PRKG1: variants seen among roughly 807,000 people sequenced by gnomAD.
PRKG1 encodes protein kinase cGMP-dependent 1, also known as cGMP-dependent protein kinase 1.
In PRKG1, 35 loss-of-function variants were observed where a neutral mutation model predicts 88.1. That is an observed-to-expected ratio of 0.40 (90% CI 0.30 to 0.53). PRKG1 has a LOEUF of 0.53. Among genes scored for constraint, PRKG1 ranks in the 20% least tolerant of loss-of-function variants. The pLI is 0.59. For synonymous variants in PRKG1, 303 were observed against 292.5 expected (o/e 1.04, Z -0.37); for missense variants, 540 against 839.8 (o/e 0.64, Z 4.41).
chr10:51,351,510 G>C (rs954586990), intron 2 of PRKG1, among the ~76,000 whole-genome samples: 1 of 146,538 alleles, frequency 6.8e-6, no homozygotes, highest in Non-Finnish European at 1.5e-5. Context: ...CATCAGTGAT[G>C]ATGAGTTTTT....
intron 2 of PRKG1, among the ~76,000 whole-genome samples, chr10:51,342,611 A>G (rs1588861541): frequency 6.6e-6 from 1 of 152,132 alleles, no homozygotes; most frequent in Admixed American, 6.6e-5. Flanking sequence ...TTTAACTTCT[A>G]CTAGATCATA....
intron 3 of PRKG1, among the ~76,000 whole-genome samples, chr10:51,753,006 A>G (rs10999270): frequency 0.48 from 72,291 of 151,844 alleles, 17,816 homozygotes; most frequent in Middle Eastern, 0.61. Flanking sequence ...CTCATAAACT[A>G]GCTAAATTAG....
intron 3 of PRKG1, among the ~76,000 whole-genome samples, chr10:51,490,036 A>G (rs973690261): frequency 2.0e-5 from 3 of 152,068 alleles, no homozygotes; most frequent in Non-Finnish European, 4.4e-5. Context: ...TTCCTCCCAT[A>G]CAAGTGATCA....
intron 5 of PRKG1, among the ~76,000 whole-genome samples, chr10:52,023,091 G>A (rs1054887877): frequency 2.6e-5 from 4 of 152,032 alleles, no homozygotes; most frequent in Non-Finnish European, 5.9e-5. Flanking sequence ...GACAGGTCCT[G>A]GTGTGTGATG....
intron 1 of PRKG1, among the ~76,000 whole-genome samples, chr10:51,002,511 C>T (rs368982072): frequency 1.3e-5 from 2 of 152,080 alleles, no homozygotes; most frequent in Non-Finnish European, 1.5e-5. Flanking sequence ...ATATAAACTG[C>T]CTCTCAAAAA....
At chr10:51,814,831 T>A (rs1018205975) in intron 4 of PRKG1, among the ~76,000 whole-genome samples, 71 of 152,300 alleles carry the variant, frequency 4.7e-4, no homozygotes, top group African/African-American at 1.7e-3. Flanking sequence ...GGCTAATTTT[T>A]AAAAAATTAT....
At chr10:51,320,075 G>A (rs1314884594) in intron 2 of PRKG1, 4 of 174,754 alleles carry the variant, frequency 2.3e-5, no homozygotes, top group South Asian at 1.5e-4. Context: ...CACACAGATC[G>A]GCAGCCTTCA....
chr10:52,087,399 T>G (rs936887003), intron 7 of PRKG1, among the ~76,000 whole-genome samples: 2 of 152,316 alleles, frequency 1.3e-5, no homozygotes, highest in East Asian at 3.9e-4. Flanking sequence ...GTTTCTTATC[T>G]ATTAGAAAAT....
intron 9 of PRKG1, among the ~76,000 whole-genome samples, chr10:52,217,594 C>T (rs1405604301): frequency 6.6e-6 from 1 of 151,960 alleles, no homozygotes; most frequent in Non-Finnish European, 1.5e-5. Flanking sequence ...AAGCATTAAC[C>T]CAGGTTTACA....
At chr10:52,005,323 G>A (rs1435921312) in intron 5 of PRKG1, among the ~76,000 whole-genome samples, 1 of 146,812 alleles carries the variant, frequency 6.8e-6, no homozygotes, top group Non-Finnish European at 1.5e-5. Flanking sequence ...TCTCGAACTG[G>A]CCTCAAGTGA....
intron 5 of PRKG1, among the ~76,000 whole-genome samples, chr10:51,987,985 A>C (rs537033424): frequency 1.5e-3 from 222 of 152,186 alleles, no homozygotes; most frequent in African/African-American, 4.7e-3. Context: ...TATTTGTTTC[A>C]AGACTATATA....
rs909654734 is a variant in PRKG1, at chr10:52,294,158, G to A, written c.*258G>A. On this transcript the variant is annotated 3_prime_UTR_variant, in exon 18 of 18. Transcript: ENST00000373980. The stretch of plus-strand genomic sequence containing the variant: ...GCAAAGCCTTTCACCAGTAAAAGAT[G>A]TTTTCTATTGTTGCAATGACCTTGC... 1.1e-4 allele frequency: 38 copies of A among 359,694 alleles called. No individual in the cohort carries two copies. Among genetic ancestry groups the A allele is most frequent in the African/African-American group, 7.8e-4 (37 of 47,720 alleles). 22.3% of individuals were successfully genotyped at this position (359,694 alleles called of 1,614,324 possible). A position where few individuals can be genotyped will look rare whatever the true frequency, so the allele number is the denominator to read the frequency against.
chr10:51,588,522 T>G (rs2132202289), intron 3 of PRKG1, among the ~76,000 whole-genome samples: 1 of 152,272 alleles, frequency 6.6e-6, no homozygotes. Flanking sequence ...CTCAGGACGT[T>G]TATAGCCAAA....
intron 3 of PRKG1, among the ~76,000 whole-genome samples, chr10:51,543,554 T>G (rs1380809347): frequency 1.3e-5 from 2 of 152,158 alleles, no homozygotes; most frequent in Non-Finnish European, 2.9e-5. Flanking sequence ...TCTACAGATA[T>G]TACTAAAAGT....
At chr10:52,279,942 C>T (rs769691733) in intron 12 of PRKG1, among the ~76,000 whole-genome samples, 8 of 151,786 alleles carry the variant, frequency 5.3e-5, no homozygotes, top group South Asian at 2.1e-4. Flanking sequence ...AAAGTTAAGA[C>T]GTTCTGCCCT....
chr10:51,759,951 CT>C (rs1837974812), intron 3 of PRKG1, among the ~76,000 whole-genome samples: 2 of 152,116 alleles, frequency 1.3e-5, no homozygotes, highest in Non-Finnish European at 2.9e-5. Flanking sequence ...TTTCAAACAG[CT>C]TTACTTAGAA....
At chr10:51,674,202 G>A (rs1564601149) in intron 3 of PRKG1, among the ~76,000 whole-genome samples, 1 of 151,946 alleles carries the variant, frequency 6.6e-6, no homozygotes, top group Non-Finnish European at 1.5e-5. Context: ...TAAGTTCTGG[G>A]GTACATGTGC....
intron 1 of PRKG1, among the ~76,000 whole-genome samples, chr10:51,143,990 T>C (rs1845882362): frequency 1.3e-5 from 2 of 152,104 alleles, no homozygotes; most frequent in African/African-American, 4.8e-5. Context: ...CATATTTGTC[T>C]ATTTTTGTTT....
intron 2 of PRKG1, among the ~76,000 whole-genome samples, chr10:51,401,353 G>A (rs1362994684): frequency 6.6e-6 from 1 of 152,160 alleles, no homozygotes; most frequent in East Asian, 1.9e-4. Context: ...AACTTTAGAT[G>A]GAGGCTGATT....
Sources: gnomAD v4.1 joint callset for allele counts (sites outside exome capture counted in the v4.1 genomes callset) on GRCh38, gnomAD v4.1.1 for gene constraint, MANE v1.5 for transcripts, NCBI Gene and HGNC (gene_info 2026-07-23, HGNC 2026-07-21) for gene names.